Variants in JPH3 observed in about 807,000 individuals in gnomAD.
JPH3 encodes the protein junctophilin-3.
A neutral mutation model predicts 59.6 loss-of-function variants in JPH3; 11 were observed. That is an observed-to-expected ratio of 0.18 (90% CI 0.12 to 0.31). The LOEUF is 0.31. Among genes scored for constraint, JPH3 ranks in the 10% least tolerant of loss-of-function variants. JPH3 has a pLI of 1.00. For missense variants in JPH3, 1,202 were observed against 1,105.7 expected (o/e 1.09, Z -1.24); for synonymous variants, 673 against 483.6 (o/e 1.39, Z -5.14).
chr16:87,638,899 A>T (rs1019962029), intron 1 of JPH3, among the ~76,000 whole-genome samples: 6 of 151,834 alleles, frequency 4.0e-5, no homozygotes, highest in African/African-American at 1.5e-4. Context: ...ATCTCTCAGG[A>T]TGTGAAGTGT....
rs768742711 is a variant in JPH3, at chr16:87,684,223, C to G, written c.1242C>G (p.Ile414Met). The G allele has an allele frequency of 6.2e-7, 1 of 1,613,982 alleles. No homozygotes were observed. Among genetic ancestry groups the G allele is most frequent in the Admixed American group, 1.7e-5 (1 of 60,022 alleles). Residue 414 changes from isoleucine (I) to methionine (M), a missense_variant, in exon 3 of 5, where the codon ATC (isoleucine) becomes ATG (methionine). Ile to Met is a conservative substitution (Grantham distance 10, BLOSUM62 1). Transcript: ENST00000284262. ...AGGAGGAGGCGCGGATCGCCAGGATCACTGCCAAAGAGTTCTCCCCTTCCT... is the reference window on the plus strand; with the variant it reads ...AGGAGGAGGCGCGGATCGCCAGGATGACTGCCAAAGAGTTCTCCCCTTCCT... ...KAQEEARIARITAKEFSPSFQ... is the reference protein window; with the variant it reads ...KAQEEARIARMTAKEFSPSFQ...
At chr16:87,614,078 A>AG (rs750990464) in intron 1 of JPH3, among the ~76,000 whole-genome samples, 17 of 152,344 alleles carry the variant, frequency 1.1e-4, no homozygotes, top group Middle Eastern at 3.4e-3. Flanking sequence ...ACAGTGAAGC[A>AG]GGGGCAGAGA....
At chr16:87,650,372 C>T (rs956724365) in intron 2 of JPH3, among the ~76,000 whole-genome samples, 1 of 152,206 alleles carries the variant, frequency 6.6e-6, no homozygotes, top group Non-Finnish European at 1.5e-5. Flanking sequence ...GCCGCTCCCC[C>T]ATCCCTCTCT....
intron 1 of JPH3, among the ~76,000 whole-genome samples, chr16:87,615,058 C>A (rs935230656): frequency 1.2e-4 from 18 of 152,192 alleles, no homozygotes; most frequent in Non-Finnish European, 2.1e-4. Context: ...AAACGCTGGT[C>A]CCTGCACACG....
At chr16:87,643,453 A>G (rs1251125131) in intron 1 of JPH3, among the ~76,000 whole-genome samples, 2 of 150,036 alleles carry the variant, frequency 1.3e-5, no homozygotes, top group Admixed American at 6.7e-5. Flanking sequence ...TCCCTTCCCT[A>G]TGCCCTTGAA....
Position 87,669,082 on chromosome 16 carries a change from G to T in JPH3, c.1161-15060G>T, listed in dbSNP as rs543050807. Among the ~76,000 whole-genome samples, 75 of 152,346 alleles carry T rather than the reference G, an allele frequency of 4.9e-4. 1 individual carries two copies. The Middle Eastern group carries it at 0.014, about 28-fold the overall frequency. ...CCGCTGCATCTCCCGGTGGCACAGG[G>T]GCGTGGAGGCGTGGCGGGCCTTCCC... On this transcript the variant is annotated intron_variant, in intron 2 of 4. Coordinates refer to ENST00000284262, the MANE Select transcript of JPH3 (RefSeq NM_020655.4).
intron 2 of JPH3, among the ~76,000 whole-genome samples, chr16:87,682,320 T>C (rs1283918999): frequency 1.3e-5 from 2 of 152,122 alleles, no homozygotes; most frequent in Admixed American, 1.3e-4. Flanking sequence ...GCTTAGCCCA[T>C]GGAGTTGGAG....
intron 1 of JPH3, among the ~76,000 whole-genome samples, chr16:87,643,359 C>G (rs1231447904): frequency 1.3e-5 from 2 of 151,880 alleles, no homozygotes; most frequent in African/African-American, 4.8e-5. Context: ...CCCAGGTGCA[C>G]AGGCAGCTGC....
chr16:87,657,996 C>T (rs1472361980), intron 2 of JPH3, among the ~76,000 whole-genome samples: 3 of 152,176 alleles, frequency 2.0e-5, no homozygotes, highest in Non-Finnish European at 4.4e-5. Flanking sequence ...CATAAATGTC[C>T]CCTCTGCAGC....
intron 2 of JPH3, among the ~76,000 whole-genome samples, chr16:87,662,425 ATT>A (rs34067871): frequency 0.034 from 5,001 of 148,540 alleles, 296 homozygotes; most frequent in African/African-American, 0.12. Flanking sequence ...CTCGCGTCTG[ATT>A]TTTTTTTTTT....
intron 1 of JPH3, among the ~76,000 whole-genome samples, chr16:87,641,200 C>T (rs368460167): frequency 6.6e-6 from 1 of 152,182 alleles, no homozygotes; most frequent in East Asian, 1.9e-4. Context: ...TGTGGGGTCC[C>T]TGGGGTCCGG....
chr16:87,659,463 C>A (rs2032631504), intron 2 of JPH3, among the ~76,000 whole-genome samples: 1 of 151,256 alleles, frequency 6.6e-6, no homozygotes, highest in Admixed American at 6.6e-5. Context: ...GTGGCTCACG[C>A]CTATAATCCC....
intron 1 of JPH3, among the ~76,000 whole-genome samples, chr16:87,625,569 G>A (rs1015210954): frequency 6.6e-6 from 1 of 151,996 alleles, no homozygotes; most frequent in Non-Finnish European, 1.5e-5. Context: ...AGGAAGTGGC[G>A]AGGAGGAGGA....
At chr16:87,606,754 A>G (rs1003509213) in intron 1 of JPH3, among the ~76,000 whole-genome samples, 7 of 152,178 alleles carry the variant, frequency 4.6e-5, no homozygotes, top group African/African-American at 1.7e-4. Context: ...TTTCCAGGCA[A>G]TGCATGTCAC....
intron 2 of JPH3, among the ~76,000 whole-genome samples, chr16:87,663,634 A>G (rs1689210069): frequency 1.3e-5 from 2 of 152,162 alleles, no homozygotes; most frequent in Non-Finnish European, 2.9e-5. Flanking sequence ...CATAGGATGC[A>G]TACGCACCTC....
chr16:87,681,751 C>T (rs576963339), intron 2 of JPH3, among the ~76,000 whole-genome samples: 13 of 152,220 alleles, frequency 8.5e-5, no homozygotes, highest in South Asian at 4.1e-4. Context: ...AAGGTGTCCC[C>T]GGGGCAGGAT....
At position 87,602,540 on chromosome 16, in the gene JPH3, C is replaced by T. The variant is rs1172737286; in HGVS notation, c.-607C>T. On this transcript the variant is annotated 5_prime_UTR_variant, in exon 1 of 5. Coordinates refer to ENST00000284262, the MANE Select transcript of JPH3 (RefSeq NM_020655.4). Reference sequence around the variant, plus strand: ...CGAGCCGGGCCCGGAGCGCACGCCGCCGCCGCCACCGCCGCCGCCGCCGCC... The same window carrying T: ...CGAGCCGGGCCCGGAGCGCACGCCGTCGCCGCCACCGCCGCCGCCGCCGCC... 7.2e-6 allele frequency among the ~76,000 whole-genome samples: 1 copy of T among 139,282 alleles called. No individual in the cohort carries two copies. Among genetic ancestry groups the T allele is most frequent in the Non-Finnish European group, 1.6e-5 (1 of 63,396 alleles). The allele number at this position is 139,282 out of a possible 152,430, so 91.4% of individuals were successfully genotyped here. A position where few individuals can be genotyped will look rare whatever the true frequency, so the allele number is the denominator to read the frequency against.
At chr16:87,659,911 G>A (rs2032646368) in intron 2 of JPH3, among the ~76,000 whole-genome samples, 1 of 152,110 alleles carries the variant, frequency 6.6e-6, no homozygotes, top group Admixed American at 6.5e-5. Context: ...CTGGGGATTA[G>A]GCATCTAGCA....
chr16:87,665,681 A>G (rs1297262655), intron 2 of JPH3, among the ~76,000 whole-genome samples: 1 of 152,154 alleles, frequency 6.6e-6, no homozygotes, highest in Non-Finnish European at 1.5e-5. Context: ...TAGGAGAGGC[A>G]CTCAACAACC....
Sources: allele counts gnomAD v4.1 joint callset (sites outside exome capture counted in the v4.1 genomes callset), GRCh38; gene constraint gnomAD v4.1.1; transcripts MANE v1.5; gene names NCBI Gene and HGNC (gene_info 2026-07-23, HGNC 2026-07-21).